NDUFS4: variants seen among roughly 807,000 people sequenced by gnomAD.
The protein encoded by NDUFS4 is NADH dehydrogenase [ubiquinone] iron-sulfur protein 4, mitochondrial.
NDUFS4 carries 28 observed loss-of-function variants against 24.3 expected under a neutral mutation model. That is an observed-to-expected ratio of 1.15 (90% confidence interval 0.85 to 1.58). The LOEUF (loss-of-function observed/expected upper bound fraction) is 1.58, where lower values mean the gene tolerates loss of function less well. NDUFS4 is among the 40% of genes most tolerant of loss of function. The pLI, the probability that NDUFS4 is intolerant of heterozygous loss-of-function variation, is 0.00. For synonymous variants in NDUFS4, 93 were observed against 69.7 expected, an observed-to-expected ratio of 1.34 and a Z score of -1.67; for missense variants, 223 against 207.9, an observed-to-expected ratio of 1.07 and a Z score of -0.45.
intron 1 of NDUFS4, among the ~76,000 whole-genome samples, chr5:53,579,089 G>A (rs1051884464): frequency 2.6e-5 from 4 of 152,042 alleles, no homozygotes; most frequent in South Asian, 2.1e-4. Flanking sequence ...CTTATCTTAC[G>A]TGACCTTTAC....
chr5:53,620,553 C>T (rs545732263), intron 2 of NDUFS4, among the ~76,000 whole-genome samples: 2 of 152,218 alleles, frequency 1.3e-5, no homozygotes, highest in African/African-American at 2.4e-5. Context: ...TTAACTATTG[C>T]TGCTGCTGCT....
chr5:53,668,311 T>G (rs1249831024), intron 4 of NDUFS4, among the ~76,000 whole-genome samples: 4 of 152,200 alleles, frequency 2.6e-5, no homozygotes, highest in African/African-American at 9.7e-5. Context: ...ACCTGTTATC[T>G]CCTTAGTTTT....
At chr5:53,562,159 A>G (rs1474838756) in intron 1 of NDUFS4, among the ~76,000 whole-genome samples, 1 of 152,002 alleles carries the variant, frequency 6.6e-6, no homozygotes, top group Non-Finnish European at 1.5e-5. Flanking sequence ...GCGCACCACC[A>G]CACCTGGCTA....
chr5:53,625,718 A>G (rs1357594262), intron 2 of NDUFS4, among the ~76,000 whole-genome samples: 1 of 149,838 alleles, frequency 6.7e-6, no homozygotes, highest in Non-Finnish European at 1.5e-5. Flanking sequence ...TATAGTTTCC[A>G]TTATTCTGCA....
intron 1 of NDUFS4, among the ~76,000 whole-genome samples, chr5:53,586,870 C>T (rs1222173458): frequency 6.6e-6 from 1 of 152,108 alleles, no homozygotes; most frequent in Non-Finnish European, 1.5e-5. Context: ...GTCACTGAGG[C>T]AGGAGTGCAT....
At chr5:53,595,914 ACTTTTT>A (rs1750119772) in intron 1 of NDUFS4, among the ~76,000 whole-genome samples, 1 of 152,182 alleles carries the variant, frequency 6.6e-6, no homozygotes, top group Non-Finnish European at 1.5e-5. Flanking sequence ...GGAGGTGCTT[ACTTTTT>A]ACTGATTTGA....
At chr5:53,639,316 C>T (rs1037819342) in intron 2 of NDUFS4, among the ~76,000 whole-genome samples, 1 of 151,724 alleles carries the variant, frequency 6.6e-6, no homozygotes, top group African/African-American at 2.4e-5. Flanking sequence ...AAACATGCTT[C>T]CTTATAGTAC....
At chr5:53,625,715 T>C (rs925097390) in intron 2 of NDUFS4, among the ~76,000 whole-genome samples, 13 of 151,082 alleles carry the variant, frequency 8.6e-5, no homozygotes, top group Middle Eastern at 3.4e-3. Flanking sequence ...TAATATAGTT[T>C]CCATTATTCT....
chr5:53,655,366 ATTTT>A (rs562996240), intron 3 of NDUFS4, among the ~76,000 whole-genome samples: 4 of 117,320 alleles, frequency 3.4e-5, no homozygotes, highest in Admixed American at 8.7e-5. Flanking sequence ...AGTTTTGCCT[ATTTT>A]TTTTTTTTTT....
intron 1 of NDUFS4, among the ~76,000 whole-genome samples, chr5:53,598,067 C>G (rs1750183424): frequency 6.6e-6 from 1 of 152,180 alleles, no homozygotes; most frequent in African/African-American, 2.4e-5. Flanking sequence ...TACTACACAC[C>G]TGTTAGAACG....
intron 2 of NDUFS4, among the ~76,000 whole-genome samples, chr5:53,612,973 A>G (rs533954020): frequency 1.3e-5 from 2 of 152,256 alleles, no homozygotes; most frequent in African/African-American, 4.8e-5. Context: ...ACATACTAAA[A>G]GTTTATAGAT....
chr5:53,588,422 C>T (rs1749839636), intron 1 of NDUFS4, among the ~76,000 whole-genome samples: 2 of 152,136 alleles, frequency 1.3e-5, no homozygotes, highest in South Asian at 2.1e-4. Flanking sequence ...TAATTATTTG[C>T]GGTATTATTA....
chr5:53,645,431 T>C (rs1751833388), intron 2 of NDUFS4, among the ~76,000 whole-genome samples: 2 of 152,328 alleles, frequency 1.3e-5, no homozygotes, highest in African/African-American at 4.8e-5. Context: ...TGAATTACTT[T>C]ACTAATTTGT....
chr5:53,683,158 C>CAAGT lies in NDUFS4; in HGVS notation c.466_469dup (p.Ser157Ter). 1 of 1,612,456 alleles carries CAAGT rather than the reference C, an allele frequency of 6.2e-7. No homozygotes were observed. The highest frequency in any genetic ancestry group is 8.5e-7 in the Non-Finnish European group (1 of 1,178,886). Reference sequence around the variant, plus strand: ...TTGAAGAGAGGAAGGTTCCAAAACCCAAGTCCAAGTCTTATGGTGCAAACT... The same window carrying CAAGT: ...TTGAAGAGAGGAAGGTTCCAAAACCCAAGTAAGTCCAAGTCTTATGGTGCAAACT... On this transcript the variant is annotated frameshift_variant, in exon 5 of 5. Coordinates refer to ENST00000296684, the MANE Select transcript of NDUFS4 (RefSeq NM_002495.4). LOFTEE classifies it high-confidence loss of function.
In NDUFS4 at chr5:53,683,290, T is replaced by TAATA. The variant is rs1579955059; in HGVS notation, c.*74_*77dup. The stretch of plus-strand genomic sequence containing the variant: ...CTGTGCAGTATTTATAGTCCATGTA[T>TAATA]AATAAATACATCTCTTAATCTCCTA... On this transcript the variant is annotated 3_prime_UTR_variant, in exon 5 of 5. Transcript: ENST00000296684. 4.7e-6 allele frequency: 5 copies of TAATA among 1,062,498 alleles called. No individual in the cohort carries two copies. Among genetic ancestry groups the TAATA allele is most frequent in the African/African-American group, 3.1e-5 (2 of 63,934 alleles). 65.8% of individuals were successfully genotyped at this position (1,062,498 alleles called of 1,614,324 possible).
At chr5:53,657,940 A>G (rs1438790603) in intron 3 of NDUFS4, among the ~76,000 whole-genome samples, 2 of 151,986 alleles carry the variant, frequency 1.3e-5, no homozygotes, top group Non-Finnish European at 2.9e-5. Flanking sequence ...AAAAAAAAAA[A>G]AAGAATAAAA....
chr5:53,596,505 TTCTC>T (rs547226444), intron 1 of NDUFS4, among the ~76,000 whole-genome samples: 4 of 152,154 alleles, frequency 2.6e-5, no homozygotes, highest in Non-Finnish European at 5.9e-5. Context: ...TAACAGTTGG[TTCTC>T]TCTTTTTTCT....
intron 4 of NDUFS4, among the ~76,000 whole-genome samples, chr5:53,675,329 A>AT (rs1270801160): frequency 6.6e-6 from 1 of 151,652 alleles, no homozygotes; most frequent in African/African-American, 2.4e-5. Context: ...CGCCCAGCTA[A>AT]TTTTTTGTAT....
chr5:53,605,588 G>A (rs1750472846), intron 2 of NDUFS4, among the ~76,000 whole-genome samples: 1 of 152,060 alleles, frequency 6.6e-6, no homozygotes, highest in African/African-American at 2.4e-5. Context: ...ATTTTCCCCA[G>A]CTTTGTTATA....
Sources: gnomAD v4.1 joint callset for allele counts (sites outside exome capture counted in the v4.1 genomes callset) on GRCh38, gnomAD v4.1.1 for gene constraint, MANE v1.5 for transcripts, NCBI Gene and HGNC (gene_info 2026-07-23, HGNC 2026-07-21) for gene names.